The following ADGRB3 variants were observed in gnomAD, a reference collection of about 807,000 sequenced individuals.
ADGRB3 encodes the protein brain-specific angiogenesis inhibitor 3.
Under a neutral mutation model 193.4 loss-of-function variants are expected in ADGRB3, and 37 were observed. That is an observed-to-expected ratio of 0.19 (90% CI 0.15 to 0.25). The LOEUF is 0.25. Ranked by LOEUF, ADGRB3 falls within the 10% of genes least tolerant of loss-of-function variation. The probability of loss-of-function intolerance (pLI) is 1.00; values close to 1 mark genes in which losing one functional copy is unlikely to be tolerated. For synonymous variants in ADGRB3, 690 were observed against 644.2 expected, an observed-to-expected ratio of 1.07 and a Z score of -1.08; for missense variants, 1,637 against 1,852.9, an observed-to-expected ratio of 0.88 and a Z score of 2.14.
rs149424993 is a variant in ADGRB3, at chr6:69,011,403, C to T, written c.1930-2635C>T. On this transcript the variant is annotated intron_variant, in intron 11 of 31. Transcript: ENST00000370598. Reference sequence around the variant, plus strand: ...GAAAACCAAATACTGCATGTTCTCACTTATAAGTGGGAGCTAAATATTGGG... The same window carrying T: ...GAAAACCAAATACTGCATGTTCTCATTTATAAGTGGGAGCTAAATATTGGG... Among the ~76,000 whole-genome samples the T allele has an allele frequency of 3.7e-3, 567 of 151,990 alleles. 1 individual carries two copies. The highest frequency in any genetic ancestry group is 0.012 in the African/African-American group (516 of 41,454).
At chr6:68,992,911 T>TA (rs34191427) in intron 10 of ADGRB3, among the ~76,000 whole-genome samples, 81,656 of 151,602 alleles carry the variant, frequency 0.54, 22,054 homozygotes, top group East Asian at 0.68. Flanking sequence ...ATTATTTCAT[T>TA]TTTTTTTAGT....
intron 3 of ADGRB3, among the ~76,000 whole-genome samples, chr6:68,897,161 T>C (rs1038189682): frequency 1.3e-5 from 2 of 151,902 alleles, no homozygotes; most frequent in African/African-American, 4.8e-5. Flanking sequence ...GATAATTTTA[T>C]TGTGAAACAA....
intron 3 of ADGRB3, among the ~76,000 whole-genome samples, chr6:68,887,223 T>TC: frequency 6.6e-6 from 1 of 151,836 alleles, no homozygotes; most frequent in Non-Finnish European, 1.5e-5. Context: ...CCATTTTTTC[T>TC]CCCCCCAACA....
At chr6:69,026,687 A>G (rs1314719541) in intron 13 of ADGRB3, among the ~76,000 whole-genome samples, 1 of 152,224 alleles carries the variant, frequency 6.6e-6, no homozygotes, top group Non-Finnish European at 1.5e-5. Flanking sequence ...ATAGCCTATT[A>G]CACGTCTAGG....
At chr6:69,079,408 T>C (rs1231791884) in intron 17 of ADGRB3, among the ~76,000 whole-genome samples, 1 of 152,012 alleles carries the variant, frequency 6.6e-6, no homozygotes, top group Non-Finnish European at 1.5e-5. Flanking sequence ...ATAAACTAAG[T>C]ATTGATGGAA....
At chr6:68,653,626 T>C (rs1467427924) in intron 3 of ADGRB3, among the ~76,000 whole-genome samples, 1 of 152,124 alleles carries the variant, frequency 6.6e-6, no homozygotes, top group Non-Finnish European at 1.5e-5. Context: ...AGTAATTGTA[T>C]ATTTTTATAG....
At chr6:69,042,174 T>C (rs1469075924) in intron 13 of ADGRB3, among the ~76,000 whole-genome samples, 1 of 152,220 alleles carries the variant, frequency 6.6e-6, no homozygotes, top group Non-Finnish European at 1.5e-5. Flanking sequence ...TCTGCCATGA[T>C]TGTAAGTTTC....
chr6:69,281,812 A>G (rs563381820), intron 20 of ADGRB3, among the ~76,000 whole-genome samples: 2 of 152,364 alleles, frequency 1.3e-5, no homozygotes, highest in East Asian at 1.9e-4. Context: ...ATAGATAGCT[A>G]TGACAAGGAA....
chr6:69,164,884 CA>C (rs1330001813), intron 17 of ADGRB3, among the ~76,000 whole-genome samples: 1 of 152,062 alleles, frequency 6.6e-6, no homozygotes, highest in Non-Finnish European at 1.5e-5. Context: ...TGGCAGCTAG[CA>C]CAGTGCCTGG....
intron 20 of ADGRB3, among the ~76,000 whole-genome samples, chr6:69,255,131 A>C (rs1187014199): frequency 6.6e-6 from 1 of 151,850 alleles, no homozygotes; most frequent in African/African-American, 2.4e-5. Flanking sequence ...GGTTGGTTCC[A>C]AGTCTTTGCT....
chr6:69,037,469 C>A (rs1260997473), intron 13 of ADGRB3, among the ~76,000 whole-genome samples: 2 of 150,488 alleles, frequency 1.3e-5, no homozygotes. Flanking sequence ...AGGAGTTTGT[C>A]AACTCATGCT....
intron 3 of ADGRB3, among the ~76,000 whole-genome samples, chr6:68,680,247 G>A (rs1039353314): frequency 6.6e-6 from 1 of 151,932 alleles, no homozygotes; most frequent in African/African-American, 2.4e-5. Context: ...TGTCAGGTAA[G>A]TGTAGGAGGA....
intron 3 of ADGRB3, among the ~76,000 whole-genome samples, chr6:68,929,376 T>C (rs1178605107): frequency 6.6e-6 from 1 of 152,136 alleles, no homozygotes; most frequent in Non-Finnish European, 1.5e-5. Flanking sequence ...GGTGTCATGG[T>C]TTAATTTTTA....
At chr6:68,709,870 G>A (rs1029240932) in intron 3 of ADGRB3, among the ~76,000 whole-genome samples, 16 of 152,096 alleles carry the variant, frequency 1.1e-4, no homozygotes, top group Admixed American at 6.6e-4. Flanking sequence ...AAATAATTAC[G>A]TGCTTCAGTG....
rs556453350 is a variant in ADGRB3 at position 69,060,220 on chromosome 6, T to TTCTCTCTCTCTCTCTCTC, written c.2334-2701_2334-2684dup. Among the ~76,000 whole-genome samples the TTCTCTCTCTCTCTCTCTC allele has an allele frequency of 1.0e-3, 130 of 129,616 alleles. 4 individuals carry two copies. Among genetic ancestry groups the TTCTCTCTCTCTCTCTCTC allele is most frequent in the African/African-American group, 2.1e-3 (67 of 32,148 alleles). 85.0% of individuals were successfully genotyped at this position (129,616 alleles called of 152,430 possible). A position where few individuals can be genotyped will look rare whatever the true frequency, so the allele number is the denominator to read the frequency against. On this transcript the variant is annotated intron_variant, in intron 15 of 31. Transcript: ENST00000370598. ...TCTCTTTCTCTGTCTCTCTCTCTCT[T>TTCTCTCTCTCTCTCTCTC]TCTCTCTCTCTCTCTCTCTCTCTCT...
At chr6:69,367,760 G>C (rs1401357926) in intron 29 of ADGRB3, among the ~76,000 whole-genome samples, 1 of 151,922 alleles carries the variant, frequency 6.6e-6, no homozygotes, top group Admixed American at 6.6e-5. Flanking sequence ...GTCCAACAAT[G>C]ATAGACTGGA....
chr6:69,256,231 T>A (rs1345524914), intron 20 of ADGRB3, among the ~76,000 whole-genome samples: 1 of 151,818 alleles, frequency 6.6e-6, no homozygotes. Flanking sequence ...TTTTTCCAAT[T>A]CTGTGAAGAA....
chr6:68,896,640 G>C (rs1205721523), intron 3 of ADGRB3, among the ~76,000 whole-genome samples: 1 of 152,124 alleles, frequency 6.6e-6, no homozygotes, highest in African/African-American at 2.4e-5. Flanking sequence ...TCTTGCTTGA[G>C]AAGCAGAAAG....
intron 3 of ADGRB3, among the ~76,000 whole-genome samples, chr6:68,901,575 T>C (rs1391204296): frequency 6.6e-6 from 1 of 152,204 alleles, no homozygotes; most frequent in East Asian, 1.9e-4. Context: ...TTTGCTACAC[T>C]AAGTAAATTT....
Sources: allele counts gnomAD v4.1 joint callset (sites outside exome capture counted in the v4.1 genomes callset), GRCh38; gene constraint gnomAD v4.1.1; transcripts MANE v1.5; gene names NCBI Gene and HGNC (gene_info 2026-07-23, HGNC 2026-07-21).